The following SMURF2 variants were observed in gnomAD, a reference collection of about 807,000 sequenced individuals.
SMURF2 encodes SMAD specific E3 ubiquitin protein ligase 2.
SMURF2 carries 48 observed loss-of-function variants against 109.6 expected under a neutral mutation model. The ratio of observed to expected loss-of-function variants is 0.44; its 90% CI spans 0.35 to 0.56. SMURF2 has a LOEUF of 0.56. SMURF2 is among the 20% of genes least tolerant of loss of function. The pLI, the probability that SMURF2 is intolerant of heterozygous loss-of-function variation, is 0.01. For synonymous variants in SMURF2, 288 were observed against 317.1 expected, an observed-to-expected ratio of 0.91 and a Z score of 0.97; for missense variants, 575 against 909.0, an observed-to-expected ratio of 0.63 and a Z score of 4.72.
At chr17:64,555,465 G>A (rs1202475389) in intron 14 of SMURF2, among the ~76,000 whole-genome samples, 4 of 152,104 alleles carry the variant, frequency 2.6e-5, no homozygotes, top group African/African-American at 9.7e-5. Flanking sequence ...CTAAAAGTAC[G>A]GTTCCAACAA....
chr17:64,545,991 A>C, intron 18 of SMURF2, 44 bp from the exon 19 acceptor site: 1 of 1,270,410 alleles, frequency 7.9e-7, no homozygotes, highest in Non-Finnish European at 1.2e-6. Context: ...ATTCAAAATA[A>C]GTAAACTGGC....
At chr17:64,569,093 A>C (rs945925911) in intron 10 of SMURF2, among the ~76,000 whole-genome samples, 3 of 151,998 alleles carry the variant, frequency 2.0e-5, no homozygotes, top group Non-Finnish European at 2.9e-5. Context: ...AGGTGTCAAG[A>C]GCTCGAGACC....
intron 3 of SMURF2, chr17:64,593,862 A>G (rs1327903511): frequency 1.0e-5 from 2 of 197,752 alleles, no homozygotes; most frequent in Non-Finnish European, 2.0e-5. Context: ...GGAGTTTATT[A>G]AATAACTTCT....
intron 1 of SMURF2, among the ~76,000 whole-genome samples, chr17:64,640,492 T>C (rs782790546): frequency 6.6e-6 from 1 of 152,136 alleles, no homozygotes. Flanking sequence ...CTTGGATAAA[T>C]AGTGTCTATT....
intron 1 of SMURF2, among the ~76,000 whole-genome samples, chr17:64,639,551 T>G (rs1486101388): frequency 2.6e-5 from 4 of 152,014 alleles, no homozygotes; most frequent in Non-Finnish European, 4.4e-5. Flanking sequence ...CACTCCAGTC[T>G]GGGCGACAGA....
At chr17:64,586,633 C>G (rs1426091255) in intron 5 of SMURF2, among the ~76,000 whole-genome samples, 1 of 151,616 alleles carries the variant, frequency 6.6e-6, no homozygotes, top group Non-Finnish European at 1.5e-5. Flanking sequence ...CACCTGTAGT[C>G]CCAGCTTCTC....
At position 64,649,831 on chromosome 17, in the gene SMURF2, G is replaced by A. The variant is rs564209077; in HGVS notation, c.52+11998C>T. 5.9e-5 allele frequency among the ~76,000 whole-genome samples: 9 copies of A among 152,150 alleles called. No homozygotes were observed. The East Asian group carries it at 1.4e-3, about 23-fold the overall frequency. On this transcript the variant is annotated intron_variant, in intron 1 of 18. Transcript: ENST00000262435. ...TGCACACCAGCCTGAGTGACAGAGCGAGACACCATCTCAAAAATAAAATAT... is the reference window on the plus strand; with the variant it reads ...TGCACACCAGCCTGAGTGACAGAGCAAGACACCATCTCAAAAATAAAATAT...
At chr17:64,606,530 C>T in intron 2 of SMURF2, 72 bp downstream of exon 2, 1 of 1,108,112 alleles carries the variant, frequency 9.0e-7, no homozygotes, top group Non-Finnish European at 1.3e-6. Flanking sequence ...AACCCCTAAA[C>T]CAGAGAATTC....
In SMURF2 at chr17:64,607,662, A is replaced by G. The variant is rs1017435877; in HGVS notation, c.53-1022T>C. Among the ~76,000 whole-genome samples the G allele has an allele frequency of 2.9e-4, 44 of 150,582 alleles. No homozygotes were observed. In the East Asian group the frequency reaches 4.5e-3, roughly 15 times the overall value. Reference sequence around the variant, plus strand: ...AAGGATTTTATAGTATATGAGTTACATATCAATTTTAAAATTACTGCTTAC... The same window carrying G: ...AAGGATTTTATAGTATATGAGTTACGTATCAATTTTAAAATTACTGCTTAC... On this transcript the variant is annotated intron_variant, in intron 1 of 18. Coordinates refer to ENST00000262435, the MANE Select transcript of SMURF2 (RefSeq NM_022739.4).
rs1555689676 is a variant in SMURF2, at chr17:64,612,607, G to C, written c.53-5967C>G. 2.0e-5 allele frequency among the ~76,000 whole-genome samples: 3 copies of C among 152,036 alleles called. No individual in the cohort carries two copies. In the South Asian group the frequency reaches 6.2e-4, roughly 32 times the overall value. On this transcript the variant is annotated intron_variant, in intron 1 of 18. Transcript: ENST00000262435. ...GAGAATCACTTGAGCCTGGAAGGCA[G>C]AGGTTGCAGTTAGCTGAGATCACAC... is the stretch of plus-strand genomic sequence containing the variant.
rs1222906842 is a variant in SMURF2, at chr17:64,542,493, T to G, written c.*3355A>C. ...TACAATGAAAATGATAAAACTTTGT[T>G]TTTAAAGTCAGTCTGAGAGAAGAAT... is the stretch of plus-strand genomic sequence containing the variant. On this transcript the variant is annotated 3_prime_UTR_variant, in exon 19 of 19. Coordinates refer to ENST00000262435, the MANE Select transcript of SMURF2 (RefSeq NM_022739.4). 4 of 152,142 alleles carry G rather than the reference T, an allele frequency of 2.6e-5. No homozygotes were observed. Among genetic ancestry groups the G allele is most frequent in the Non-Finnish European group, 4.4e-5 (3 of 68,028 alleles). 9.4% of individuals were successfully genotyped at this position (152,142 alleles called of 1,614,324 possible). A position where few individuals can be genotyped will look rare whatever the true frequency, so the allele number is the denominator to read the frequency against.
intron 1 of SMURF2, among the ~76,000 whole-genome samples, chr17:64,634,589 C>T (rs1429726705): frequency 6.6e-6 from 1 of 152,190 alleles, no homozygotes; most frequent in African/African-American, 2.4e-5. Context: ...TCCACTTTCT[C>T]AGCTAATTAA....
At position 64,551,790 on chromosome 17, in the gene SMURF2, C is replaced by T. The variant is rs531132522; in HGVS notation, c.1749-86G>A. On this transcript the variant is annotated intron_variant, in intron 15 of 18. Coordinates refer to ENST00000262435, the MANE Select transcript of SMURF2 (RefSeq NM_022739.4). ...TTATAAATCTCTACTTTAGCAACAC[C>T]GCATCTTACAAGCATCTAACATTAA... 106 of 1,512,616 alleles carry T rather than the reference C, an allele frequency of 7.0e-5. No individual in the cohort carries two copies. In the African/African-American group the frequency reaches 1.2e-3, roughly 17 times the overall value. The allele number at this position is 1,512,616 out of a possible 1,614,324, so 93.7% of individuals were successfully genotyped here. A position where few individuals can be genotyped will look rare whatever the true frequency, so the allele number is the denominator to read the frequency against.
chr17:64,579,233 C>T (rs549503944), intron 8 of SMURF2, among the ~76,000 whole-genome samples: 21 of 151,730 alleles, frequency 1.4e-4, no homozygotes, highest in African/African-American at 4.8e-4. Context: ...AGAGGAAAGG[C>T]CAGGGTGAAG....
At chr17:64,601,553 T>C (rs1598289890) in intron 2 of SMURF2, among the ~76,000 whole-genome samples, 1 of 151,988 alleles carries the variant, frequency 6.6e-6, no homozygotes. Flanking sequence ...AAATAACAGA[T>C]GTTGGCATGG....
chr17:64,621,195 A>G (rs7210589), intron 1 of SMURF2, among the ~76,000 whole-genome samples: 34,918 of 152,172 alleles, frequency 0.23, 7,675 homozygotes, highest in African/African-American at 0.58. Context: ...TCTACTAAGA[A>G]AACAAAGTGC....
At chr17:64,642,157 T>C (rs563318661) in intron 1 of SMURF2, among the ~76,000 whole-genome samples, 64 of 152,308 alleles carry the variant, frequency 4.2e-4, no homozygotes, top group Middle Eastern at 3.4e-3. Context: ...CTAGCAAATA[T>C]GTGATAATTC....
intron 9 of SMURF2, among the ~76,000 whole-genome samples, 157 bp from the exon 10 acceptor site, chr17:64,572,113 A>C (rs1471219519): frequency 6.6e-6 from 1 of 152,256 alleles, no homozygotes; most frequent in Non-Finnish European, 1.5e-5. Context: ...CAATGGTTTA[A>C]CAAACTTTCA....
intron 5 of SMURF2, among the ~76,000 whole-genome samples, chr17:64,589,112 C>T (rs1461611592): frequency 6.6e-6 from 1 of 152,064 alleles, no homozygotes; most frequent in Non-Finnish European, 1.5e-5. Context: ...TATTAATGGT[C>T]CTATTATGAA....
Sources: allele counts gnomAD v4.1 joint callset (sites outside exome capture counted in the v4.1 genomes callset), GRCh38; gene constraint gnomAD v4.1.1; transcripts MANE v1.5; gene names NCBI Gene and HGNC (gene_info 2026-07-23, HGNC 2026-07-21).